Variants in CADPS2 observed in about 807,000 individuals in gnomAD.
CADPS2 encodes the protein calcium-dependent secretion activator 2.
Under a neutral mutation model 172.5 loss-of-function variants are expected in CADPS2, and 93 were observed. The observed-to-expected ratio is 0.54, with a 90% CI of 0.46 to 0.64. The LOEUF (loss-of-function observed/expected upper bound fraction) is 0.64, where lower values mean the gene tolerates loss of function less well. Among genes scored for constraint, CADPS2 ranks in the 30% least tolerant of loss-of-function variants. CADPS2 has a pLI of 0.00. For missense variants in CADPS2, 1,420 were observed against 1,565.9 expected (o/e 0.91, Z 1.57); for synonymous variants, 546 against 555.2 (o/e 0.98, Z 0.23).
At chr7:122,557,766 T>C (rs555460358) in intron 7 of CADPS2, among the ~76,000 whole-genome samples, 1 of 152,324 alleles carries the variant, frequency 6.6e-6, no homozygotes, top group South Asian at 2.1e-4. Flanking sequence ...GGCTGGCTAT[T>C]TGCCACGATT....
In CADPS2 at chr7:122,751,994, T is replaced by C. The variant is rs148754729; in HGVS notation, c.340-14926A>G. On this transcript the variant is annotated intron_variant, in intron 1 of 29. Transcript: ENST00000449022. ...GAGTCCTTAGATACTCCCATTAGCA[T>C]TTAGAAGCATTATCCACTCCATTTT... is the stretch of plus-strand genomic sequence containing the variant. Among the ~76,000 whole-genome samples the C allele has an allele frequency of 4.2e-4, 64 of 152,234 alleles. 2 individuals carry two copies. The highest frequency in any genetic ancestry group is 1.5e-3 in the African/African-American group (63 of 41,544).
chr7:122,857,175 G>A (rs149152208), intron 1 of CADPS2, among the ~76,000 whole-genome samples: 6 of 152,224 alleles, frequency 3.9e-5, no homozygotes, highest in East Asian at 1.9e-4. Flanking sequence ...ATCATTAACC[G>A]AGGAAAATAG....
intron 13 of CADPS2, 109 bp downstream of exon 13, chr7:122,474,272 C>T (rs902505642): frequency 8.5e-7 from 1 of 1,174,768 alleles, no homozygotes; most frequent in Non-Finnish European, 1.2e-6. Flanking sequence ...GAATAAAATG[C>T]TGGTTTATAA....
chr7:122,634,353 GT>G (rs1471756488), intron 3 of CADPS2, among the ~76,000 whole-genome samples: 1 of 152,104 alleles, frequency 6.6e-6, no homozygotes, highest in Non-Finnish European at 1.5e-5. Flanking sequence ...TTCAGCATTT[GT>G]TACTGGTCTG....
intron 14 of CADPS2, among the ~76,000 whole-genome samples, chr7:122,455,081 C>T (rs911542177): frequency 8.5e-5 from 13 of 152,086 alleles, no homozygotes; most frequent in Admixed American, 6.6e-4. Context: ...GTATGAGCCC[C>T]GCTTCCCACA....
At chr7:122,878,945 C>T (rs986068736) in intron 1 of CADPS2, among the ~76,000 whole-genome samples, 2 of 152,022 alleles carry the variant, frequency 1.3e-5, no homozygotes, top group African/African-American at 2.4e-5. Context: ...CATCAAAAGT[C>T]GGGCTGCAGG....
At chr7:122,564,813 ATG>A (rs1162782708) in intron 7 of CADPS2, among the ~76,000 whole-genome samples, 8 of 148,950 alleles carry the variant, frequency 5.4e-5, no homozygotes, top group South Asian at 2.1e-4. Context: ...GCATAAACAT[ATG>A]TGTGTACACA....
intron 2 of CADPS2, among the ~76,000 whole-genome samples, chr7:122,712,108 T>C (rs2088844917): frequency 6.6e-6 from 1 of 152,204 alleles, no homozygotes; most frequent in African/African-American, 2.4e-5. Context: ...AAATTATTTC[T>C]ATAATATCTT....
At chr7:122,412,333 T>C (rs932545136) in intron 19 of CADPS2, among the ~76,000 whole-genome samples, 2 of 152,192 alleles carry the variant, frequency 1.3e-5, no homozygotes, top group African/African-American at 4.8e-5. Flanking sequence ...AACCACACTT[T>C]AGTATATTCC....
At chr7:122,698,557 T>C in intron 2 of CADPS2, 1 of 1,614,086 alleles carries the variant, frequency 6.2e-7, no homozygotes, top group Non-Finnish European at 8.5e-7. Context: ...GGCTCCCTTC[T>C]CAGTTGCCAC....
chr7:122,467,429 G>T (rs765273475), intron 14 of CADPS2, among the ~76,000 whole-genome samples: 10 of 152,326 alleles, frequency 6.6e-5, no homozygotes, highest in African/African-American at 9.6e-5. Context: ...AAGGGGAAAT[G>T]TTAGCACCTG....
chr7:122,820,915 A>G (rs2140361444), intron 1 of CADPS2, among the ~76,000 whole-genome samples: 1 of 143,912 alleles, frequency 6.9e-6, no homozygotes. Context: ...CCACTGCATT[A>G]ATACTTTTAG....
chr7:122,718,923 T>C (rs1588706349), intron 2 of CADPS2, among the ~76,000 whole-genome samples: 1 of 152,180 alleles, frequency 6.6e-6, no homozygotes, highest in Non-Finnish European at 1.5e-5. Context: ...TTGGCTTCTC[T>C]AGAACCTGCT....
At chr7:122,448,704 T>C (rs544544027) in intron 15 of CADPS2, among the ~76,000 whole-genome samples, 22 of 152,228 alleles carry the variant, frequency 1.4e-4, no homozygotes, top group African/African-American at 4.6e-4. Context: ...CAGTGACTGA[T>C]TGAGGCATCC....
At chr7:122,687,916 C>T (rs1394989220) in intron 2 of CADPS2, among the ~76,000 whole-genome samples, 1 of 152,138 alleles carries the variant, frequency 6.6e-6, no homozygotes. Context: ...TAATTTTTTA[C>T]ATTTATCTCA....
chr7:122,412,759 C>T (rs1346039041), intron 19 of CADPS2: 1 of 152,218 alleles, frequency 6.6e-6, no homozygotes, highest in African/African-American at 2.4e-5. Context: ...CATGATCCCT[C>T]CCTCTCAGCC....
At chr7:122,877,567 A>T (rs1259400104) in intron 1 of CADPS2, among the ~76,000 whole-genome samples, 1 of 152,202 alleles carries the variant, frequency 6.6e-6, no homozygotes, top group Non-Finnish European at 1.5e-5. Context: ...TTACAAAAAA[A>T]AGCTTCCCAT....
At chr7:122,789,950 A>G (rs189396561) in intron 1 of CADPS2, among the ~76,000 whole-genome samples, 2 of 152,236 alleles carry the variant, frequency 1.3e-5, no homozygotes, top group Non-Finnish European at 2.9e-5. Flanking sequence ...AAAACGAACT[A>G]TAAAGACAGA....
chr7:122,738,149 G>C (rs959106050), intron 1 of CADPS2, among the ~76,000 whole-genome samples: 5 of 152,128 alleles, frequency 3.3e-5, no homozygotes, highest in African/African-American at 4.8e-5. Context: ...AATTAGACAT[G>C]AAATGTGACT....
Sources: allele counts gnomAD v4.1 joint callset (sites outside exome capture counted in the v4.1 genomes callset), GRCh38; gene constraint gnomAD v4.1.1; transcripts MANE v1.5; gene names NCBI Gene and HGNC (gene_info 2026-07-23, HGNC 2026-07-21).